The following NKAIN2 variants were observed in gnomAD, a reference collection of about 807,000 sequenced individuals.
NKAIN2 encodes the protein sodium/potassium transporting ATPase interacting 2, also known as sodium/potassium-transporting ATPase subunit beta-1-interacting protein 2.
Under a neutral mutation model 32.6 loss-of-function variants are expected in NKAIN2, and 14 were observed. That is an observed-to-expected ratio of 0.43 (90% CI 0.28 to 0.67). NKAIN2 has a LOEUF of 0.67. Among genes scored for constraint, NKAIN2 ranks in the 30% least tolerant of loss-of-function variants. NKAIN2 has a pLI of 0.17. For missense variants in NKAIN2, 198 were observed against 258.3 expected, an observed-to-expected ratio of 0.77 and a Z score of 1.60; for synonymous variants, 80 against 87.2, an observed-to-expected ratio of 0.92 and a Z score of 0.46.
chr6:124,315,444 G>GA (rs11422349), intron 2 of NKAIN2, among the ~76,000 whole-genome samples: 19,686 of 152,044 alleles, frequency 0.13, 1,545 homozygotes, highest in East Asian at 0.24. Flanking sequence ...GGCACAAAAA[G>GA]AAAATCTCAT....
intron 1 of NKAIN2, among the ~76,000 whole-genome samples, chr6:124,250,801 A>G (rs1177747254): frequency 6.6e-6 from 1 of 152,060 alleles, no homozygotes; most frequent in Non-Finnish European, 1.5e-5. Flanking sequence ...TAAATATTGA[A>G]TGAATAAAAA....
intron 1 of NKAIN2, among the ~76,000 whole-genome samples, chr6:123,890,886 G>A (rs1272435739): frequency 6.6e-6 from 1 of 152,098 alleles, no homozygotes; most frequent in African/African-American, 2.4e-5. Flanking sequence ...ATATACCAAT[G>A]TTCATAGTAG....
At chr6:124,146,494 G>T (rs1787408973) in intron 1 of NKAIN2, among the ~76,000 whole-genome samples, 1 of 152,052 alleles carries the variant, frequency 6.6e-6, no homozygotes, top group African/African-American at 2.4e-5. Context: ...AAAACAATTT[G>T]GTGCCTACCA....
At chr6:124,096,966 C>T (rs912199907) in intron 1 of NKAIN2, among the ~76,000 whole-genome samples, 3 of 151,816 alleles carry the variant, frequency 2.0e-5, no homozygotes, top group Middle Eastern at 3.4e-3. Flanking sequence ...GTTTATTGAA[C>T]TGAGAATGAT....
At chr6:124,758,643 T>C (rs970511073) in intron 4 of NKAIN2, among the ~76,000 whole-genome samples, 1 of 152,148 alleles carries the variant, frequency 6.6e-6, no homozygotes, top group African/African-American at 2.4e-5. Context: ...CACTGATTAA[T>C]CTCTCTGTCT....
chr6:124,795,638 C>G (rs1779962669), intron 5 of NKAIN2, among the ~76,000 whole-genome samples: 1 of 152,108 alleles, frequency 6.6e-6, no homozygotes, highest in Non-Finnish European at 1.5e-5. Context: ...AAATTTATTT[C>G]TCACAGTTTT....
At chr6:124,802,170 G>A (rs1199728142) in intron 5 of NKAIN2, among the ~76,000 whole-genome samples, 2 of 152,162 alleles carry the variant, frequency 1.3e-5, no homozygotes, top group Non-Finnish European at 2.9e-5. Context: ...TCTCTAATAG[G>A]TAATTACAGC....
At chr6:124,523,579 T>C (rs1448539901) in intron 3 of NKAIN2, among the ~76,000 whole-genome samples, 1 of 152,032 alleles carries the variant, frequency 6.6e-6, no homozygotes, top group African/African-American at 2.4e-5. Flanking sequence ...AAATTACTTA[T>C]GGTGAGTTAG....
chr6:124,102,696 C>A (rs1446879681), intron 1 of NKAIN2, among the ~76,000 whole-genome samples: 1 of 152,082 alleles, frequency 6.6e-6, no homozygotes, highest in Admixed American at 6.5e-5. Context: ...CTTCGAAGAG[C>A]CCTTTATGAC....
intron 1 of NKAIN2, among the ~76,000 whole-genome samples, chr6:123,983,832 G>T (rs1168115990): frequency 6.6e-6 from 1 of 151,848 alleles, no homozygotes; most frequent in Non-Finnish European, 1.5e-5. Flanking sequence ...GTTCTTCATG[G>T]TTTTATTCTA....
chr6:124,362,785 TA>T (rs1174611562), intron 3 of NKAIN2, among the ~76,000 whole-genome samples: 1 of 152,040 alleles, frequency 6.6e-6, no homozygotes, highest in Non-Finnish European at 1.5e-5. Flanking sequence ...AAAAAAGAGA[TA>T]AAACCAAAAT....
At chr6:124,178,487 T>C (rs890453196) in intron 1 of NKAIN2, among the ~76,000 whole-genome samples, 1 of 151,654 alleles carries the variant, frequency 6.6e-6, no homozygotes, top group Non-Finnish European at 1.5e-5. Flanking sequence ...TTAGTAGAGA[T>C]GGGGTTTCAC....
At chr6:123,922,684 G>A (rs1775811108) in intron 1 of NKAIN2, among the ~76,000 whole-genome samples, 1 of 151,876 alleles carries the variant, frequency 6.6e-6, no homozygotes, top group Non-Finnish European at 1.5e-5. Flanking sequence ...CAATGTGCAT[G>A]GATTGTACTT....
chr6:124,201,727 A>G (rs527430008), intron 1 of NKAIN2, among the ~76,000 whole-genome samples: 12 of 152,048 alleles, frequency 7.9e-5, no homozygotes, highest in Non-Finnish European at 1.8e-4. Context: ...CCTTTCAAAC[A>G]TGTGCTGCAA....
chr6:124,113,735 C>T (rs1358951271), intron 1 of NKAIN2, among the ~76,000 whole-genome samples: 1 of 152,116 alleles, frequency 6.6e-6, no homozygotes, highest in African/African-American at 2.4e-5. Context: ...TCTTAGGGAA[C>T]CACACTGAGA....
At chr6:124,431,207 G>T (rs1425398746) in intron 3 of NKAIN2, among the ~76,000 whole-genome samples, 3 of 151,990 alleles carry the variant, frequency 2.0e-5, no homozygotes, top group Non-Finnish European at 4.4e-5. Flanking sequence ...TGCATCCAGG[G>T]GCTTGTTTGA....
intron 4 of NKAIN2, among the ~76,000 whole-genome samples, chr6:124,668,629 G>C (rs1262903026): frequency 6.6e-6 from 1 of 151,922 alleles, no homozygotes; most frequent in African/African-American, 2.4e-5. Context: ...GCCATGTTTA[G>C]GTTGATTCAG....
At chr6:123,999,572 C>T (rs910524747) in intron 1 of NKAIN2, among the ~76,000 whole-genome samples, 6 of 152,078 alleles carry the variant, frequency 3.9e-5, no homozygotes, top group African/African-American at 1.4e-4. Flanking sequence ...TTAAGTATAA[C>T]TTTTCACAAA....
chr6:124,010,155 A>T (rs1780260036), intron 1 of NKAIN2, among the ~76,000 whole-genome samples: 1 of 152,132 alleles, frequency 6.6e-6, no homozygotes, highest in South Asian at 2.1e-4. Context: ...CCTCTGATCC[A>T]GGGTGGACCA....
Sources: allele counts gnomAD v4.1 joint callset (sites outside exome capture counted in the v4.1 genomes callset), GRCh38; gene constraint gnomAD v4.1.1; transcripts MANE v1.5; gene names NCBI Gene and HGNC (gene_info 2026-07-23, HGNC 2026-07-21).